Variants in ULK4 observed in about 807,000 individuals in gnomAD.
ULK4 encodes inactive serine/threonine-protein kinase ULK4.
A neutral mutation model predicts 160.6 loss-of-function variants in ULK4; 133 were observed. The ratio of observed to expected loss-of-function variants is 0.83; its 90% confidence interval spans 0.72 to 0.96. The LOEUF (loss-of-function observed/expected upper bound fraction) is 0.96. Ranked by LOEUF, ULK4 falls within the 40% of genes least tolerant of loss-of-function variation. ULK4 has a pLI of 0.00. For synonymous variants in ULK4, 534 were observed against 539.8 expected, an observed-to-expected ratio of 0.99 and a Z score of 0.15; for missense variants, 1,580 against 1,499.5, an observed-to-expected ratio of 1.05 and a Z score of -0.89.
chr3:41,269,331 G>A (rs1436434091), intron 35 of ULK4, among the ~76,000 whole-genome samples: 3 of 151,714 alleles, frequency 2.0e-5, no homozygotes, highest in Admixed American at 6.6e-5. Flanking sequence ...GTCACATATC[G>A]CTCAACATGT....
intron 30 of ULK4, among the ~76,000 whole-genome samples, chr3:41,646,982 C>T (rs2034525528): frequency 6.6e-6 from 1 of 152,138 alleles, no homozygotes; most frequent in African/African-American, 2.4e-5. Context: ...CAGTTGATCG[C>T]ATCGGCTCCT....
intron 34 of ULK4, among the ~76,000 whole-genome samples, chr3:41,431,493 T>C (rs545109063): frequency 3.4e-5 from 5 of 148,460 alleles, no homozygotes; most frequent in African/African-American, 9.8e-5. Flanking sequence ...GAGTTCTTCA[T>C]GCATTAATCT....
chr3:41,250,072 C>T (rs1194516477), intron 35 of ULK4, among the ~76,000 whole-genome samples: 3 of 152,082 alleles, frequency 2.0e-5, no homozygotes, highest in Admixed American at 6.6e-5. Flanking sequence ...GGAAGTGTGC[C>T]CATGCTAATC....
chr3:41,449,196 T>C (rs1316456469), intron 34 of ULK4, among the ~76,000 whole-genome samples: 1 of 151,928 alleles, frequency 6.6e-6, no homozygotes, highest in African/African-American at 2.4e-5. Flanking sequence ...GGGATTACAG[T>C]TGTGAGCCAC....
chr3:41,491,567 C>A (rs918073212), intron 32 of ULK4, among the ~76,000 whole-genome samples: 1 of 152,044 alleles, frequency 6.6e-6, no homozygotes, highest in Non-Finnish European at 1.5e-5. Flanking sequence ...CAGTTAACAG[C>A]ATCATTACTA....
intron 19 of ULK4, among the ~76,000 whole-genome samples, chr3:41,804,025 G>T (rs1559564754): frequency 6.6e-6 from 1 of 152,062 alleles, no homozygotes; most frequent in Non-Finnish European, 1.5e-5. Context: ...TGGGTCAAAT[G>T]GTATTTCTAG....
intron 35 of ULK4, among the ~76,000 whole-genome samples, chr3:41,306,178 G>A (rs1335317527): frequency 2.6e-4 from 24 of 92,792 alleles, no homozygotes; most frequent in Admixed American, 9.8e-4. Flanking sequence ...ATCCGGGAGG[G>A]AGGTGGGGGG....
chr3:41,815,591 C>T (rs931672364), intron 19 of ULK4, among the ~76,000 whole-genome samples: 7 of 152,144 alleles, frequency 4.6e-5, no homozygotes, highest in African/African-American at 1.7e-4. Context: ...TGTGGGATTT[C>T]CCTCCTGCAA....
chr3:41,292,850 A>C (rs2079597739), intron 35 of ULK4, among the ~76,000 whole-genome samples: 1 of 152,202 alleles, frequency 6.6e-6, no homozygotes, highest in Non-Finnish European at 1.5e-5. Flanking sequence ...AGGCTGAGGC[A>C]GAAGAATTGC....
chr3:41,678,137 A>T (rs2035791992), intron 29 of ULK4, among the ~76,000 whole-genome samples: 1 of 150,886 alleles, frequency 6.6e-6, no homozygotes, highest in Non-Finnish European at 1.5e-5. Flanking sequence ...CAACCTCTGT[A>T]ATCACGCGAG....
intron 35 of ULK4, among the ~76,000 whole-genome samples, chr3:41,395,606 T>C (rs2082042986): frequency 6.6e-6 from 1 of 152,136 alleles, no homozygotes; most frequent in African/African-American, 2.4e-5. Flanking sequence ...GAATGGTGGT[T>C]ATCAGGCACT....
intron 12 of ULK4, among the ~76,000 whole-genome samples, chr3:41,907,439 G>T (rs2148798870): frequency 6.6e-6 from 1 of 152,074 alleles, no homozygotes; most frequent in South Asian, 2.1e-4. Context: ...TAGGGCTACA[G>T]GTGTGCACCA....
At chr3:41,782,151 T>A (rs1036863205) in intron 21 of ULK4, among the ~76,000 whole-genome samples, 2 of 144,970 alleles carry the variant, frequency 1.4e-5, no homozygotes, top group Middle Eastern at 3.3e-3. Flanking sequence ...TCATAGCGAT[T>A]CTGAATTTTT....
At chr3:41,639,068 T>A (rs1268759826) in intron 30 of ULK4, among the ~76,000 whole-genome samples, 3 of 152,192 alleles carry the variant, frequency 2.0e-5, no homozygotes, top group Non-Finnish European at 2.9e-5. Flanking sequence ...GAACTGACTC[T>A]CTCATACTTC....
At chr3:41,738,755 G>A (rs1223525105) in intron 22 of ULK4, among the ~76,000 whole-genome samples, 1 of 151,952 alleles carries the variant, frequency 6.6e-6, no homozygotes, top group African/African-American at 2.4e-5. Flanking sequence ...AATGTTTGGT[G>A]GGTTTTTGTG....
At chr3:41,342,872 T>C (rs2080716445) in intron 35 of ULK4, among the ~76,000 whole-genome samples, 1 of 152,136 alleles carries the variant, frequency 6.6e-6, no homozygotes, top group South Asian at 2.1e-4. Flanking sequence ...GTTCAACATA[T>C]GCAAATCAAT....
intron 30 of ULK4, among the ~76,000 whole-genome samples, chr3:41,641,528 C>T (rs950833308): frequency 6.6e-5 from 10 of 152,092 alleles, no homozygotes; most frequent in African/African-American, 2.2e-4. Context: ...GAGACCCCAT[C>T]ACTACAAAGA....
intron 17 of ULK4, among the ~76,000 whole-genome samples, chr3:41,855,414 C>T (rs1250703442): frequency 6.6e-6 from 1 of 152,120 alleles, no homozygotes; most frequent in African/African-American, 2.4e-5. Flanking sequence ...GCATCTACTG[C>T]AGTGTGGATG....
At position 41,451,451 on chromosome 3, in the gene ULK4, C is replaced by T. The variant is rs547627969; in HGVS notation, c.3492+4046G>A. ...GCAGAGGATAAGGCTAAAAATCAGACATAATATGTGATCAAAGGGGAAATT... is the reference window on the plus strand; with the variant it reads ...GCAGAGGATAAGGCTAAAAATCAGATATAATATGTGATCAAAGGGGAAATT... On this transcript the variant is annotated intron_variant, in intron 34 of 36. Transcript: ENST00000301831. Among the ~76,000 whole-genome samples, 4 of 151,822 alleles carry T rather than the reference C, an allele frequency of 2.6e-5. No individual in the cohort carries two copies. The South Asian group carries it at 8.3e-4, about 32-fold the overall frequency.
Sources: allele counts gnomAD v4.1 joint callset (sites outside exome capture counted in the v4.1 genomes callset), GRCh38; gene constraint gnomAD v4.1.1; transcripts MANE v1.5; gene names NCBI Gene and HGNC (gene_info 2026-07-23, HGNC 2026-07-21).